PPARG: variants seen among roughly 807,000 people sequenced by gnomAD.
The protein encoded by PPARG is peroxisome proliferator-activated receptor gamma.
In PPARG, 17 loss-of-function variants were observed where a neutral mutation model predicts 39.2. The observed-to-expected ratio is 0.43, with a 90% CI of 0.30 to 0.65. The LOEUF (loss-of-function observed/expected upper bound fraction) is 0.65. Among genes scored for constraint, PPARG ranks in the 30% least tolerant of loss-of-function variants. PPARG has a pLI of 0.13. For synonymous variants in PPARG, 223 were observed against 215.7 expected (o/e 1.03, Z -0.30); for missense variants, 406 against 585.9 (o/e 0.69, Z 3.17).
chr3:12,381,422 T>G lies in PPARG; in HGVS notation c.321T>G (p.Ile107Met). The G allele has an allele frequency of 6.2e-7, 1 of 1,613,584 alleles. No individual in the cohort carries two copies. Among genetic ancestry groups the G allele is most frequent in the Non-Finnish European group, 8.5e-7 (1 of 1,179,776 alleles). Reference protein sequence around the residue: ...HEEPSNSLMAIECRVCGDKAS... With the variant: ...HEEPSNSLMAMECRVCGDKAS... ...AGCCTTCCAACTCCCTCATGGCAATTGAATGTCGTGTCTGTGGAGATAAAG... is the reference window on the plus strand; with the variant it reads ...AGCCTTCCAACTCCCTCATGGCAATGGAATGTCGTGTCTGTGGAGATAAAG... Residue 107 changes from isoleucine (I) to methionine (M), a missense_variant, in exon 4 of 8, where the codon ATT becomes ATG. Transcript: ENST00000651735.
At chr3:12,346,555 A>G (rs923869967) in intron 2 of PPARG, among the ~76,000 whole-genome samples, 5 of 152,144 alleles carry the variant, frequency 3.3e-5, no homozygotes, top group Admixed American at 3.3e-4. Flanking sequence ...TTCTGGCTCC[A>G]ATGTCAGTGT....
intron 4 of PPARG, among the ~76,000 whole-genome samples, chr3:12,387,096 C>A (rs1478247240): frequency 1.3e-5 from 2 of 152,178 alleles, no homozygotes; most frequent in Non-Finnish European, 2.9e-5. Flanking sequence ...ATATGTGCCA[C>A]ATTTTCTTAA....
At chr3:12,310,758 C>T (rs1360958319) in intron 1 of PPARG, among the ~76,000 whole-genome samples, 1 of 78,842 alleles carries the variant, frequency 1.3e-5, no homozygotes, top group Non-Finnish European at 2.7e-5. Flanking sequence ...CCACCGTGCC[C>T]GGCCGAGCCC....
chr3:12,358,378 C>A (rs2048732766), intron 2 of PPARG, among the ~76,000 whole-genome samples: 1 of 152,190 alleles, frequency 6.6e-6, no homozygotes, highest in Non-Finnish European at 1.5e-5. Flanking sequence ...AGGTGCCAAA[C>A]ACGTCAGTTC....
At chr3:12,408,221 T>G (rs151337545) in intron 6 of PPARG, among the ~76,000 whole-genome samples, 1 of 152,322 alleles carries the variant, frequency 6.6e-6, no homozygotes, top group East Asian at 1.9e-4. Flanking sequence ...TTTCTCAATT[T>G]TTAGAACAGT....
At chr3:12,422,970 A>C (rs960892712) in intron 7 of PPARG, among the ~76,000 whole-genome samples, 1 of 152,192 alleles carries the variant, frequency 6.6e-6, no homozygotes, top group South Asian at 2.1e-4. Context: ...TCCTTAAGAC[A>C]CCATTTTAAT....
intron 4 of PPARG, among the ~76,000 whole-genome samples, chr3:12,390,400 A>G (rs1418704379): frequency 6.6e-6 from 1 of 152,178 alleles, no homozygotes; most frequent in East Asian, 1.9e-4. Flanking sequence ...CTGCATACAA[A>G]TAGGTTAATA....
At chr3:12,415,919 G>GGAAAAAGAAATTTTAA (rs1218899048) in intron 6 of PPARG, among the ~76,000 whole-genome samples, 1 of 152,074 alleles carries the variant, frequency 6.6e-6, no homozygotes, top group Non-Finnish European at 1.5e-5. Flanking sequence ...CAAAGGAAAA[G>GGAAAAAGAAATTTTAA]GAAAAAGAAA....
At chr3:12,336,085 T>A (rs1245155631) in intron 2 of PPARG, among the ~76,000 whole-genome samples, 1 of 152,196 alleles carries the variant, frequency 6.6e-6, no homozygotes, top group Non-Finnish European at 1.5e-5. Context: ...TAATTTAATC[T>A]CTTTATCTCA....
chr3:12,328,196 GA>G, intron 2 of PPARG: 2 of 1,449,266 alleles, frequency 1.4e-6, no homozygotes, highest in Non-Finnish European at 9.6e-7. Context: ...AACTAGAACA[GA>G]AAAAGTCCTA....
chr3:12,337,042 A>G (rs1242914089), intron 2 of PPARG, among the ~76,000 whole-genome samples: 2 of 152,226 alleles, frequency 1.3e-5, no homozygotes, highest in East Asian at 3.8e-4. Context: ...TCTTCAAATG[A>G]CTTAATAATA....
intron 1 of PPARG, among the ~76,000 whole-genome samples, chr3:12,306,440 A>G (rs1211961999): frequency 6.6e-6 from 1 of 152,212 alleles, no homozygotes; most frequent in East Asian, 1.9e-4. Flanking sequence ...AAACAGGAAC[A>G]GAGAGGTAAA....
rs148050455 is a variant in PPARG at position 12,410,338 on chromosome 3, T to C, written c.729+4257T>C. On this transcript the variant is annotated intron_variant, in intron 6 of 7. Transcript: ENST00000651735. ...TTGGAAGTGCCCAGTGTTTGACTATTACCCTGGTGCGATGATCACACTGGG... is the reference window on the plus strand; with the variant it reads ...TTGGAAGTGCCCAGTGTTTGACTATCACCCTGGTGCGATGATCACACTGGG... Among the ~76,000 whole-genome samples, 12 of 152,346 alleles carry C rather than the reference T, an allele frequency of 7.9e-5. No individual in the cohort carries two copies. The East Asian group carries it at 2.3e-3, about 29-fold the overall frequency.
chr3:12,345,792 C>T (rs902255242), intron 2 of PPARG, among the ~76,000 whole-genome samples: 9 of 152,208 alleles, frequency 5.9e-5, no homozygotes, highest in Admixed American at 3.9e-4. Context: ...CGCGGCTCTA[C>T]GCTTGCTGTA....
intron 4 of PPARG, among the ~76,000 whole-genome samples, chr3:12,387,550 C>T (rs1191995316): frequency 6.6e-6 from 1 of 152,006 alleles, no homozygotes; most frequent in Non-Finnish European, 1.5e-5. Context: ...TATCCCTTAC[C>T]CACTTTTTGA....
intron 2 of PPARG, among the ~76,000 whole-genome samples, chr3:12,314,131 G>A (rs571060329): frequency 6.6e-6 from 1 of 152,236 alleles, no homozygotes; most frequent in African/African-American, 2.4e-5. Context: ...ATAAAAATTA[G>A]CTGGGTGTGA....
chr3:12,408,591 T>TG (rs889179594), intron 6 of PPARG, among the ~76,000 whole-genome samples: 2 of 116,936 alleles, frequency 1.7e-5, no homozygotes, highest in Admixed American at 1.8e-4. Flanking sequence ...TTTTTTGAGG[T>TG]GGGGTCTTGC....
chr3:12,400,509 A>G (rs1024422645), intron 5 of PPARG, among the ~76,000 whole-genome samples: 2 of 152,252 alleles, frequency 1.3e-5, no homozygotes, highest in African/African-American at 4.8e-5. Flanking sequence ...ATGAGTCTCT[A>G]TCAAACCCAG....
At chr3:12,330,177 A>G (rs991702959) in intron 2 of PPARG, among the ~76,000 whole-genome samples, 4 of 152,060 alleles carry the variant, frequency 2.6e-5, no homozygotes, top group Admixed American at 6.6e-5. Flanking sequence ...GCTGGGTCAC[A>G]TGGTAATTCT....
Sources: allele counts gnomAD v4.1 joint callset (sites outside exome capture counted in the v4.1 genomes callset), GRCh38; gene constraint gnomAD v4.1.1; transcripts MANE v1.5; gene names NCBI Gene and HGNC (gene_info 2026-07-23, HGNC 2026-07-21).